RPRD2: variants seen among roughly 807,000 people sequenced by gnomAD.
RPRD2 encodes regulation of nuclear pre-mRNA domain containing 2, also known as regulation of nuclear pre-mRNA domain-containing protein 2.
In RPRD2, 12 loss-of-function variants were observed where a neutral mutation model predicts 104.4. The ratio of observed to expected loss-of-function variants is 0.11; its 90% CI spans 0.07 to 0.19. RPRD2 has a LOEUF of 0.19. Among genes scored for constraint, RPRD2 ranks in the 10% least tolerant of loss-of-function variants. The pLI is 1.00. For synonymous variants in RPRD2, 714 were observed against 684.9 expected (o/e 1.04, Z -0.66); for missense variants, 1,543 against 1,790.1 (o/e 0.86, Z 2.49).
chr1:150,410,764 A>G (rs1034284803), intron 1 of RPRD2, among the ~76,000 whole-genome samples: 3 of 152,212 alleles, frequency 2.0e-5, no homozygotes, highest in Non-Finnish European at 2.9e-5. Context: ...CTTGGCTGCC[A>G]TAACAAAATA....
intron 1 of RPRD2, among the ~76,000 whole-genome samples, chr1:150,393,471 A>AC (rs1662251084): frequency 6.6e-6 from 1 of 151,598 alleles, no homozygotes; most frequent in Non-Finnish European, 1.5e-5. Flanking sequence ...AAAAAAAAAA[A>AC]AAAAAACCAA....
In RPRD2 at chr1:150,457,484, C is replaced by A. The variant is rs372472658; in HGVS notation, c.1067C>A (p.Ser356Tyr). The A allele has an allele frequency of 4.0e-5, 65 of 1,613,688 alleles. No homozygotes were observed. The highest frequency in any genetic ancestry group is 4.3e-5 in the Non-Finnish European group (51 of 1,179,804). The change falls in exon 8 of 11, where the codon TCT (serine) becomes TAT (tyrosine). Residue 356 changes from serine (S) to tyrosine (Y), a missense_variant. Physicochemically the swap from Ser to Tyr is moderately radical, Grantham distance 144 (BLOSUM62 -2). Transcript: ENST00000369068. ...TCACCAACCATGGAGAGTGAGAAAT[C>A]TGCCACACCTGAACCTGTGACAGAT... ...SQSPTMESEK[S>Y]ATPEPVTDNR... is the part of the protein sequence containing the mutation.
At position 150,476,081 on chromosome 1, in the gene RPRD2, G is replaced by A. The variant is rs1009513731; in HGVS notation, c.*2747G>A. On this transcript the variant is annotated 3_prime_UTR_variant, in exon 11 of 11. Transcript: ENST00000369068. ...GTATTTTGAAAGAGTTTACTCTTCA[G>A]TCAGCTTAGATGAGAGCTCTCTCCC... The A allele has an allele frequency of 2.6e-5, 4 of 152,152 alleles. No homozygotes were observed. The highest frequency in any genetic ancestry group is 5.9e-5 in the Non-Finnish European group (4 of 68,030). The allele number at this position is 152,152 out of a possible 1,614,324, so 9.4% of individuals were successfully genotyped here.
intron 2 of RPRD2, among the ~76,000 whole-genome samples, chr1:150,435,023 T>C (rs1665902193): frequency 6.6e-6 from 1 of 152,202 alleles, no homozygotes; most frequent in African/African-American, 2.4e-5. Context: ...GTGCTATTTT[T>C]CCAACATATG....
intron 1 of RPRD2, among the ~76,000 whole-genome samples, chr1:150,366,877 A>G (rs1167918438): frequency 2.0e-5 from 3 of 152,150 alleles, no homozygotes; most frequent in East Asian, 3.8e-4. Flanking sequence ...TGGTTACATC[A>G]TTTGCAAGAA....
chr1:150,457,471 G>A lies in RPRD2; in HGVS notation c.1054G>A (p.Glu352Lys), dbSNP rs782368799. ...GGEESQSPTM[E>K]SEKSATPEPV... ...TGAGGAATCCCAGTCACCAACCATG[G>A]AGAGTGAGAAATCTGCCACACCTGA... The change falls in exon 8 of 11, where the codon GAG (glutamate) becomes AAG (lysine). Residue 352 changes from glutamate (E) to lysine (K), a missense_variant. Transcript: ENST00000369068. The A allele has an allele frequency of 6.2e-7, 1 of 1,613,848 alleles. No individual in the cohort carries two copies. The highest frequency in any genetic ancestry group is 8.5e-7 in the Non-Finnish European group (1 of 1,179,852).
intron 10 of RPRD2, among the ~76,000 whole-genome samples, chr1:150,469,259 G>A (rs1668464193): frequency 1.3e-5 from 2 of 152,250 alleles, no homozygotes; most frequent in Non-Finnish European, 1.5e-5. Context: ...TGGGTGAAAT[G>A]TATATTAAAA....
intron 1 of RPRD2, among the ~76,000 whole-genome samples, chr1:150,403,921 A>G (rs1227805614): frequency 1.3e-5 from 2 of 152,146 alleles, no homozygotes; most frequent in Admixed American, 6.6e-5. Flanking sequence ...GGCATGAGCC[A>G]CTGCTGCACC....
chr1:150,472,296 T>C lies in RPRD2; in HGVS notation c.3348T>C (p.Asn1116=). ...VESIRVPGKG[N]RGHGREASRV... ...CCATCCGAGTTCCTGGGAAGGGAAA[T>C]AGAGGACATGGGCGTGAGGCTTCAA... The change falls in exon 11 of 11, where the codon AAT becomes AAC. Residue 1116 remains asparagine, a synonymous_variant. Coordinates refer to ENST00000369068, the MANE Select transcript of RPRD2 (RefSeq NM_015203.5). 1 of 1,613,712 alleles carries C rather than the reference T, an allele frequency of 6.2e-7. No homozygotes were observed. Among genetic ancestry groups the C allele is most frequent in the Non-Finnish European group, 8.5e-7 (1 of 1,179,822 alleles).
chr1:150,465,827 G>T (rs1211441185), intron 10 of RPRD2, among the ~76,000 whole-genome samples: 1 of 151,990 alleles, frequency 6.6e-6, no homozygotes, highest in Non-Finnish European at 1.5e-5. Context: ...GGGAGGCTGA[G>T]GCGGGCAGAT....
intron 2 of RPRD2, 94 bp downstream of exon 2, chr1:150,417,819 C>A: frequency 1.0e-6 from 1 of 963,058 alleles, no homozygotes; most frequent in Non-Finnish European, 1.4e-6. Flanking sequence ...ATTGAACATG[C>A]TTGAAGATTA....
chr1:150,428,185 C>G (rs116910895), intron 2 of RPRD2, among the ~76,000 whole-genome samples: 20 of 151,920 alleles, frequency 1.3e-4, no homozygotes, highest in African/African-American at 4.8e-4. Flanking sequence ...CTATCCTCGC[C>G]GGGCGTGGTG....
intron 9 of RPRD2, among the ~76,000 whole-genome samples, chr1:150,461,772 A>C (rs1667947764): frequency 6.6e-6 from 1 of 150,968 alleles, no homozygotes; most frequent in South Asian, 2.1e-4. Context: ...CGAGGTCAAG[A>C]GATCGAGACC....
chr1:150,370,572 CTTT>C (rs11288735), intron 1 of RPRD2, among the ~76,000 whole-genome samples: 55 of 109,712 alleles, frequency 5.0e-4, no homozygotes, highest in Admixed American at 6.3e-4. Context: ...TCCATTTTGT[CTTT>C]TTTTTTTTTT....
chr1:150,372,636 CAG>C (rs371475272), intron 1 of RPRD2, among the ~76,000 whole-genome samples: 191 of 152,044 alleles, frequency 1.3e-3, no homozygotes, highest in South Asian at 9.8e-3. Context: ...AAGGGGGAAA[CAG>C]AGGGGTTTGC....
intron 1 of RPRD2, among the ~76,000 whole-genome samples, chr1:150,411,015 C>T (rs1334701761): frequency 6.6e-6 from 1 of 152,160 alleles, no homozygotes; most frequent in African/African-American, 2.4e-5. Context: ...TATGCAATTA[C>T]GCCTGGCTAA....
chr1:150,381,639 A>G (rs1047748691), intron 1 of RPRD2, among the ~76,000 whole-genome samples: 15 of 151,280 alleles, frequency 9.9e-5, no homozygotes, highest in African/African-American at 3.6e-4. Context: ...CGAGTAGCTG[A>G]GACTACAGGC....
chr1:150,442,088 A>G (rs1317900849), intron 4 of RPRD2, 130 bp downstream of exon 4: 1 of 571,966 alleles, frequency 1.7e-6, no homozygotes. Context: ...GGAGGCTCCC[A>G]GTGACCTATG....
chr1:150,430,951 T>G (rs1469945358), intron 2 of RPRD2, among the ~76,000 whole-genome samples: 1 of 149,240 alleles, frequency 6.7e-6, no homozygotes, highest in Non-Finnish European at 1.5e-5. Flanking sequence ...TAACACGGGC[T>G]GAGAACACCC....
Sources: allele counts gnomAD v4.1 joint callset (sites outside exome capture counted in the v4.1 genomes callset), GRCh38; gene constraint gnomAD v4.1.1; transcripts MANE v1.5; gene names NCBI Gene and HGNC (gene_info 2026-07-23, HGNC 2026-07-21).